Variants in MGAT4C observed in about 807,000 individuals in gnomAD.
The protein encoded by MGAT4C is alpha-1,3-mannosyl-glycoprotein 4-beta-N-acetylglucosaminyltransferase C.
Under a neutral mutation model 40.1 loss-of-function variants are expected in MGAT4C, and 19 were observed. The observed-to-expected ratio is 0.47, with a 90% CI of 0.33 to 0.70. MGAT4C has a LOEUF of 0.70. MGAT4C is among the 30% of genes least tolerant of loss of function. MGAT4C has a pLI of 0.02. For missense variants in MGAT4C, 491 were observed against 563.2 expected (o/e 0.87, Z 1.30); for synonymous variants, 181 against 187.1 (o/e 0.97, Z 0.27).
chr12:86,187,898 G>T (rs1888952400), intron 1 of MGAT4C, among the ~76,000 whole-genome samples: 1 of 151,924 alleles, frequency 6.6e-6, no homozygotes, highest in South Asian at 2.1e-4. Context: ...TGAATTAGGA[G>T]GAAATTCTCT....
intron 1 of MGAT4C, among the ~76,000 whole-genome samples, chr12:86,735,096 G>C (rs1377855095): frequency 6.6e-6 from 1 of 151,940 alleles, no homozygotes. Flanking sequence ...AATCTACTTA[G>C]GATGCTTTGC....
At chr12:86,255,991 T>TC (rs1488899115) in intron 1 of MGAT4C, among the ~76,000 whole-genome samples, 1 of 152,158 alleles carries the variant, frequency 6.6e-6, no homozygotes, top group Non-Finnish European at 1.5e-5. Flanking sequence ...AGCAGTATTT[T>TC]CCTTTTTCTA....
intron 2 of MGAT4C, among the ~76,000 whole-genome samples, chr12:86,473,642 T>A (rs1191845772): frequency 2.6e-5 from 4 of 152,202 alleles, no homozygotes; most frequent in Non-Finnish European, 4.4e-5. Context: ...TGAATTCAAA[T>A]AATGGCAATA....
chr12:86,094,122 G>A (rs1352387428), intron 1 of MGAT4C, among the ~76,000 whole-genome samples: 1 of 152,096 alleles, frequency 6.6e-6, no homozygotes, highest in Non-Finnish European at 1.5e-5. Context: ...GTTGATGCAA[G>A]TGAGAGTTCA....
chr12:86,232,246 T>C (rs1316333916), intron 1 of MGAT4C, among the ~76,000 whole-genome samples: 1 of 152,210 alleles, frequency 6.6e-6, no homozygotes, highest in Non-Finnish European at 1.5e-5. Context: ...ATGGAAAAAT[T>C]TTAAAGTTAA....
At chr12:85,984,566 A>G (rs1313561263) in intron 3 of MGAT4C, among the ~76,000 whole-genome samples, 3 of 152,170 alleles carry the variant, frequency 2.0e-5, no homozygotes, top group East Asian at 3.8e-4. Context: ...CTTTGATATA[A>G]GCTAAATGGT....
chr12:86,649,000 T>A (rs1963623446), intron 2 of MGAT4C, among the ~76,000 whole-genome samples: 1 of 151,904 alleles, frequency 6.6e-6, no homozygotes, highest in African/African-American at 2.4e-5. Flanking sequence ...TTATAACAAT[T>A]TTATTTAGGG....
intron 1 of MGAT4C, among the ~76,000 whole-genome samples, chr12:86,063,934 C>T (rs1489974028): frequency 6.6e-6 from 1 of 152,122 alleles, no homozygotes; most frequent in Non-Finnish European, 1.5e-5. Context: ...GACTTAGACT[C>T]CCACACAATA....
intron 4 of MGAT4C, among the ~76,000 whole-genome samples, chr12:86,290,686 C>T (rs1422163604): frequency 2.0e-5 from 3 of 150,344 alleles, no homozygotes; most frequent in Non-Finnish European, 3.0e-5. Flanking sequence ...CTGTATATAT[C>T]GCCTCTGAAG....
intron 2 of MGAT4C, among the ~76,000 whole-genome samples, chr12:86,486,682 T>A (rs1297825468): frequency 2.6e-5 from 4 of 152,004 alleles, no homozygotes; most frequent in African/African-American, 9.7e-5. Flanking sequence ...GGCAAACAAC[T>A]AACAAAAAAA....
chr12:86,087,869 G>GA (rs758992575), intron 1 of MGAT4C, among the ~76,000 whole-genome samples: 123 of 150,384 alleles, frequency 8.2e-4, no homozygotes, highest in East Asian at 2.1e-3. Context: ...CACAAAAATA[G>GA]AAAAAAAAAC....
chr12:86,662,397 T>G (rs560226313), intron 2 of MGAT4C, among the ~76,000 whole-genome samples: 1 of 152,340 alleles, frequency 6.6e-6, no homozygotes, highest in Non-Finnish European at 1.5e-5. Context: ...ACTTGAAGAA[T>G]AATCTCCCTA....
chr12:86,001,596 T>C, intron 2 of MGAT4C: 1 of 975,812 alleles, frequency 1.0e-6, no homozygotes, highest in Non-Finnish European at 1.2e-6. Flanking sequence ...TGAAGCACAG[T>C]GAGGGCTGAG....
At chr12:86,068,704 G>C (rs185628098) in intron 1 of MGAT4C, among the ~76,000 whole-genome samples, 1 of 151,676 alleles carries the variant, frequency 6.6e-6, no homozygotes, top group Non-Finnish European at 1.5e-5. Flanking sequence ...ATCTATAGTC[G>C]AGCTGGCTCT....
intron 3 of MGAT4C, among the ~76,000 whole-genome samples, chr12:86,361,910 T>C (rs1955483381): frequency 6.6e-6 from 1 of 152,192 alleles, no homozygotes; most frequent in African/African-American, 2.4e-5. Context: ...AGTTCAACCA[T>C]TGTGGAAGAC....
intron 2 of MGAT4C, among the ~76,000 whole-genome samples, chr12:86,505,661 T>A (rs1958459233): frequency 6.6e-6 from 1 of 152,234 alleles, no homozygotes. Flanking sequence ...ACACATTTAA[T>A]AATTTTAAAG....
At chr12:86,187,616 C>T (rs1307201741) in intron 1 of MGAT4C, among the ~76,000 whole-genome samples, 1 of 151,410 alleles carries the variant, frequency 6.6e-6, no homozygotes, top group Non-Finnish European at 1.5e-5. Context: ...ATAAATCTTT[C>T]CTTTCTATAG....
chr12:86,464,607 CA>C (rs1957653040), intron 2 of MGAT4C, among the ~76,000 whole-genome samples: 1 of 152,098 alleles, frequency 6.6e-6, no homozygotes, highest in East Asian at 1.9e-4. Flanking sequence ...ACATCCTAAA[CA>C]ATCATTTAAA....
In MGAT4C at chr12:86,295,409, G is replaced by A. The variant is rs561116736; in HGVS notation, c.-57+38656C>T. Among the ~76,000 whole-genome samples the A allele has an allele frequency of 2.2e-4, 33 of 152,294 alleles. No individual in the cohort carries two copies. The East Asian group carries it at 5.0e-3, about 23-fold the overall frequency. ...TACAGCTCTTAAGGCAGCGCGTCTG[G>A]AGTTGTTCATTCCTCCTGGTGGGCT... is the stretch of plus-strand genomic sequence containing the variant. On this transcript the variant is annotated intron_variant, in intron 4 of 7. Transcript: ENST00000548651.
Sources: gnomAD v4.1 joint callset for allele counts (sites outside exome capture counted in the v4.1 genomes callset) on GRCh38, gnomAD v4.1.1 for gene constraint, MANE v1.5 for transcripts, NCBI Gene and HGNC (gene_info 2026-07-23, HGNC 2026-07-21) for gene names.